The following GALNTL6 variants were observed in gnomAD, a reference collection of about 807,000 sequenced individuals.
GALNTL6 encodes polypeptide N-acetylgalactosaminyltransferase-like 6.
Under a neutral mutation model 73.7 loss-of-function variants are expected in GALNTL6, and 46 were observed. The observed-to-expected ratio is 0.62, with a 90% CI of 0.49 to 0.80. The LOEUF is 0.80. Ranked by LOEUF, GALNTL6 falls within the 30% of genes least tolerant of loss-of-function variation. GALNTL6 has a pLI of 0.00. For missense variants in GALNTL6, 604 were observed against 755.0 expected, an observed-to-expected ratio of 0.80 and a Z score of 2.34; for synonymous variants, 259 against 263.7, an observed-to-expected ratio of 0.98 and a Z score of 0.17.
At chr4:172,657,076 T>C (rs528999256) in intron 5 of GALNTL6, among the ~76,000 whole-genome samples, 81 of 152,286 alleles carry the variant, frequency 5.3e-4, no homozygotes, top group African/African-American at 1.9e-3. Flanking sequence ...ATTGTAACCA[T>C]TGTTGATTTC....
intron 10 of GALNTL6, among the ~76,000 whole-genome samples, chr4:172,962,921 G>T (rs1159099672): frequency 6.6e-6 from 1 of 152,134 alleles, no homozygotes; most frequent in Non-Finnish European, 1.5e-5. Flanking sequence ...CCGCGCTTCG[G>T]TTTATTCTCA....
chr4:172,194,203 A>G (rs1327965369), intron 2 of GALNTL6, among the ~76,000 whole-genome samples: 1 of 152,232 alleles, frequency 6.6e-6, no homozygotes, highest in Non-Finnish European at 1.5e-5. Flanking sequence ...CACAAGTATC[A>G]ATAGCTGAAT....
At chr4:172,524,817 A>G (rs1001006641) in intron 5 of GALNTL6, among the ~76,000 whole-genome samples, 2 of 152,130 alleles carry the variant, frequency 1.3e-5, no homozygotes, top group Non-Finnish European at 2.9e-5. Flanking sequence ...CTTTTCCTCT[A>G]TGGTTAGTAT....
chr4:172,649,628 G>A (rs1483374983), intron 5 of GALNTL6, among the ~76,000 whole-genome samples: 2 of 151,960 alleles, frequency 1.3e-5, no homozygotes, highest in African/African-American at 4.8e-5. Flanking sequence ...TATCTAAGAA[G>A]CACAGCAATT....
intron 3 of GALNTL6, among the ~76,000 whole-genome samples, chr4:172,260,721 T>C (rs1259663499): frequency 6.6e-6 from 1 of 151,652 alleles, no homozygotes. Flanking sequence ...CCCCATTCAG[T>C]ATAATGTTGG....
At chr4:171,993,633 T>A (rs1740404091) in intron 2 of GALNTL6, among the ~76,000 whole-genome samples, 1 of 152,032 alleles carries the variant, frequency 6.6e-6, no homozygotes, top group Admixed American at 6.6e-5. Flanking sequence ...AGTAGAGGAC[T>A]GAAAAATAAG....
intron 8 of GALNTL6, among the ~76,000 whole-genome samples, chr4:172,900,276 G>A (rs866859982): frequency 6.6e-6 from 1 of 152,040 alleles, no homozygotes; most frequent in African/African-American, 2.4e-5. Context: ...AAAGATTATT[G>A]TTTTTGAGTT....
intron 5 of GALNTL6, among the ~76,000 whole-genome samples, chr4:172,497,756 T>C (rs1260488707): frequency 6.6e-6 from 1 of 152,198 alleles, no homozygotes; most frequent in Non-Finnish European, 1.5e-5. Context: ...TTTTTAGATA[T>C]TCTCTGGTAG....
chr4:172,029,574 G>A (rs968563546), intron 2 of GALNTL6, among the ~76,000 whole-genome samples: 18 of 151,934 alleles, frequency 1.2e-4, no homozygotes, highest in African/African-American at 4.1e-4. Flanking sequence ...AATTGTTTCT[G>A]GAAAGTATTT....
At chr4:173,002,181 G>C (rs1752072417) in intron 10 of GALNTL6, among the ~76,000 whole-genome samples, 1 of 152,084 alleles carries the variant, frequency 6.6e-6, no homozygotes, top group African/African-American at 2.4e-5. Flanking sequence ...CAAGAGGTCA[G>C]GAGATCGAGA....
chr4:172,282,768 G>T (rs1342217353), intron 3 of GALNTL6, among the ~76,000 whole-genome samples: 1 of 152,048 alleles, frequency 6.6e-6, no homozygotes, highest in African/African-American at 2.4e-5. Flanking sequence ...GAAGCAAGTG[G>T]ATTCAAAATG....
chr4:172,056,674 G>T (rs924553495), intron 2 of GALNTL6, among the ~76,000 whole-genome samples: 4 of 151,798 alleles, frequency 2.6e-5, no homozygotes, highest in Admixed American at 1.3e-4. Context: ...GATTGTAGAA[G>T]TATTTTTAAT....
chr4:172,967,200 T>G (rs892641555), intron 10 of GALNTL6, among the ~76,000 whole-genome samples: 5 of 152,238 alleles, frequency 3.3e-5, no homozygotes, highest in Non-Finnish European at 7.3e-5. Flanking sequence ...TGTATTTTGC[T>G]CAGCCTTCAC....
intron 2 of GALNTL6, among the ~76,000 whole-genome samples, chr4:172,123,971 TAA>T (rs1733223613): frequency 6.6e-6 from 1 of 152,216 alleles, no homozygotes; most frequent in Admixed American, 6.5e-5. Flanking sequence ...AACCTACACT[TAA>T]GAGTACTTCT....
intron 2 of GALNTL6, chr4:171,816,128 A>T (rs1045765985): frequency 6.6e-6 from 1 of 152,216 alleles, no homozygotes; most frequent in South Asian, 2.1e-4. Flanking sequence ...GATTTTAATA[A>T]CTTTAGTAGT....
At chr4:172,270,845 A>T (rs542411791) in intron 3 of GALNTL6, among the ~76,000 whole-genome samples, 1 of 152,340 alleles carries the variant, frequency 6.6e-6, no homozygotes, top group East Asian at 1.9e-4. Flanking sequence ...AAAACATTAG[A>T]ATTAAAACAG....
At chr4:172,708,113 C>T (rs1734470245) in intron 5 of GALNTL6, among the ~76,000 whole-genome samples, 1 of 152,164 alleles carries the variant, frequency 6.6e-6, no homozygotes, top group Admixed American at 6.5e-5. Flanking sequence ...TGCAGTGGCA[C>T]AATCTCGACT....
intron 7 of GALNTL6, among the ~76,000 whole-genome samples, chr4:172,824,553 T>C (rs1742132230): frequency 6.6e-6 from 1 of 152,106 alleles, no homozygotes; most frequent in African/African-American, 2.4e-5. Context: ...TAAATTTTGC[T>C]TGTAAATTGC....
intron 5 of GALNTL6, among the ~76,000 whole-genome samples, chr4:172,482,447 A>G (rs115020809): frequency 2.0e-5 from 3 of 152,362 alleles, no homozygotes; most frequent in African/African-American, 7.2e-5. Flanking sequence ...GGCCAGATTC[A>G]AGGATGAGGA....
Sources: allele counts gnomAD v4.1 joint callset (sites outside exome capture counted in the v4.1 genomes callset), GRCh38; gene constraint gnomAD v4.1.1; transcripts MANE v1.5; gene names NCBI Gene and HGNC (gene_info 2026-07-23, HGNC 2026-07-21).